Variants in DNER observed in about 807,000 individuals in gnomAD.
DNER encodes delta and Notch-like epidermal growth factor-related receptor.
DNER carries 33 observed loss-of-function variants against 78.2 expected under a neutral mutation model. The observed-to-expected ratio is 0.42, with a 90% CI of 0.32 to 0.56. The LOEUF (loss-of-function observed/expected upper bound fraction) is 0.56. Ranked by LOEUF, DNER falls within the 20% of genes least tolerant of loss-of-function variation. DNER has a pLI of 0.11. For missense variants in DNER, 918 were observed against 975.3 expected (o/e 0.94, Z 0.78); for synonymous variants, 417 against 384.8 (o/e 1.08, Z -0.98).
rs114930370 is a variant in DNER at position 229,363,432 on chromosome 2, G to T, written c.2102+3441C>A. On this transcript the variant is annotated intron_variant, in intron 12 of 12. Coordinates refer to ENST00000341772, the MANE Select transcript of DNER (RefSeq NM_139072.4). ...CTAAGTTTTTGCCAATGCCTTTCTA[G>T]GGTTTCCAGGAAAAGAGGGCCAATC... is the stretch of plus-strand genomic sequence containing the variant. Among the ~76,000 whole-genome samples, 782 of 152,266 alleles carry T rather than the reference G, an allele frequency of 5.1e-3. 7 individuals carry two copies. Among genetic ancestry groups the T allele is most frequent in the African/African-American group, 0.018 (740 of 41,550 alleles).
intron 10 of DNER, among the ~76,000 whole-genome samples, chr2:229,395,171 G>C (rs570976901): frequency 6.6e-6 from 1 of 152,270 alleles, no homozygotes; most frequent in African/African-American, 2.4e-5. Context: ...ACCATGAGAG[G>C]ACTTGCCTTT....
intron 5 of DNER, among the ~76,000 whole-genome samples, chr2:229,543,743 G>T (rs1475156355): frequency 1.3e-5 from 2 of 152,060 alleles, no homozygotes; most frequent in Non-Finnish European, 2.9e-5. Context: ...CCTCTCTTCT[G>T]GCACCTCCTT....
At chr2:229,367,285 A>G (rs1692373044) in intron 11 of DNER, among the ~76,000 whole-genome samples, 166 bp from the exon 12 acceptor site, 1 of 152,136 alleles carries the variant, frequency 6.6e-6, no homozygotes. Flanking sequence ...CTTACTACAT[A>G]AGGACTTCTT....
intron 1 of DNER, among the ~76,000 whole-genome samples, chr2:229,596,440 A>G (rs888175): frequency 0.94 from 142,524 of 152,302 alleles, 67,404 homozygotes; most frequent in South Asian, 1. Flanking sequence ...CTGCAGCCTC[A>G]GCCTTGATGA....
At chr2:229,473,113 T>C (rs773967608) in intron 7 of DNER, among the ~76,000 whole-genome samples, 1 of 152,168 alleles carries the variant, frequency 6.6e-6, no homozygotes, top group Non-Finnish European at 1.5e-5. Flanking sequence ...AGAGAAAGGA[T>C]GCGGATGTGT....
At chr2:229,551,245 T>C (rs1490795046) in intron 4 of DNER, among the ~76,000 whole-genome samples, 2 of 152,256 alleles carry the variant, frequency 1.3e-5, no homozygotes, top group East Asian at 1.9e-4. Context: ...TGGGGAAAGA[T>C]ATAAAAATGA....
At chr2:229,550,059 C>T (rs1574897773) in intron 4 of DNER, among the ~76,000 whole-genome samples, 1 of 151,900 alleles carries the variant, frequency 6.6e-6, no homozygotes, top group Middle Eastern at 3.4e-3. Context: ...GCGGCATAAT[C>T]TTGGTTCACT....
intron 7 of DNER, among the ~76,000 whole-genome samples, chr2:229,448,135 G>T (rs185655574): frequency 2.0e-5 from 3 of 151,886 alleles, no homozygotes; most frequent in Admixed American, 1.3e-4. Context: ...GTTGATTGTT[G>T]TAAGAGAAAC....
chr2:229,376,035 A>G (rs551202021), intron 11 of DNER, among the ~76,000 whole-genome samples: 1 of 152,288 alleles, frequency 6.6e-6, no homozygotes, highest in South Asian at 2.1e-4. Context: ...CACCTTGTGA[A>G]GAAGGTGACT....
rs146444881 is a variant in DNER, at chr2:229,479,731, AC to A, written c.1148-2479del. Among the ~76,000 whole-genome samples, 131 of 116,630 alleles carry A rather than the reference AC, an allele frequency of 1.1e-3. 2 individuals carry two copies. In the East Asian group the frequency reaches 0.015, roughly 14 times the overall value. 76.5% of individuals were successfully genotyped at this position (116,630 alleles called of 152,430 possible). A position where few individuals can be genotyped will look rare whatever the true frequency, so the allele number is the denominator to read the frequency against. On this transcript the variant is annotated intron_variant, in intron 6 of 12. Coordinates refer to ENST00000341772, the MANE Select transcript of DNER (RefSeq NM_139072.4). ...TTGTCTCAAAAAAAAAAAAAAAAAA[AC>A]AAAAAACCATAAATATAAATATTCA...
chr2:229,373,881 C>T (rs1692544032), intron 11 of DNER, among the ~76,000 whole-genome samples: 1 of 152,118 alleles, frequency 6.6e-6, no homozygotes, highest in Admixed American at 6.5e-5. Flanking sequence ...TAAGTGGGAG[C>T]TGGCCAGGCA....
intron 4 of DNER, among the ~76,000 whole-genome samples, chr2:229,569,330 C>T (rs1207626448): frequency 2.6e-5 from 4 of 151,980 alleles, no homozygotes; most frequent in Non-Finnish European, 4.4e-5. Context: ...GAGACTATCC[C>T]GGCCAACATG....
intron 1 of DNER, among the ~76,000 whole-genome samples, chr2:229,693,276 GTAA>G (rs1699610879): frequency 1.3e-5 from 2 of 151,670 alleles, no homozygotes; most frequent in Non-Finnish European, 2.9e-5. Context: ...CATCATGATT[GTAA>G]GTTTCCTGAG....
chr2:229,371,040 A>G (rs1377026987), intron 11 of DNER, among the ~76,000 whole-genome samples: 2 of 152,180 alleles, frequency 1.3e-5, no homozygotes, highest in Non-Finnish European at 2.9e-5. Flanking sequence ...AGCTGTTCGG[A>G]CTTTTGGAAA....
intron 5 of DNER, among the ~76,000 whole-genome samples, chr2:229,514,400 G>A (rs576066445): frequency 2.0e-5 from 3 of 152,176 alleles, no homozygotes; most frequent in Admixed American, 6.5e-5. Flanking sequence ...CAGCTCTTCC[G>A]GAATAATTTT....
chr2:229,441,048 T>C (rs1694223790), intron 8 of DNER, among the ~76,000 whole-genome samples: 1 of 151,806 alleles, frequency 6.6e-6, no homozygotes, highest in South Asian at 2.1e-4. Flanking sequence ...TAATCCAAAC[T>C]CCTTAGCATC....
intron 11 of DNER, among the ~76,000 whole-genome samples, chr2:229,375,908 A>G (rs1259103410): frequency 6.6e-6 from 1 of 152,146 alleles, no homozygotes; most frequent in Non-Finnish European, 1.5e-5. Context: ...GACAGGTGGA[A>G]GTAACTGAAT....
intron 1 of DNER, among the ~76,000 whole-genome samples, chr2:229,655,317 G>A (rs993376357): frequency 6.6e-6 from 1 of 151,310 alleles, no homozygotes; most frequent in African/African-American, 2.4e-5. Flanking sequence ...TTCAAAAGAG[G>A]GACTGGTAAA....
At position 229,447,406 on chromosome 2, in the gene DNER, C is replaced by T. The variant is rs1279381802; in HGVS notation, c.1396G>A (p.Ala466Thr). Residue 466 changes from alanine to threonine, a missense_variant, in exon 8 of 13, where the codon GCC becomes ACC. Coordinates refer to ENST00000341772, the MANE Select transcript of DNER (RefSeq NM_139072.4). ...AGGGCACAGAAGTCAATAAGCTGGG[C>T]ACAGGTCGGCCCTGTGAAGCCCGGG... ...CSPGFTGPTC[A>T]QLIDFCALSP... The T allele has an allele frequency of 1.9e-6, 3 of 1,613,786 alleles. No homozygotes were observed. Among genetic ancestry groups the T allele is most frequent in the Non-Finnish European group, 2.5e-6 (3 of 1,179,902 alleles).
Sources: gnomAD v4.1 joint callset for allele counts (sites outside exome capture counted in the v4.1 genomes callset) on GRCh38, gnomAD v4.1.1 for gene constraint, MANE v1.5 for transcripts, NCBI Gene and HGNC (gene_info 2026-07-23, HGNC 2026-07-21) for gene names.